Variants in WDR27 observed in about 807,000 individuals in gnomAD.
WDR27 encodes WD repeat domain 27.
WDR27 carries 100 observed loss-of-function variants against 114.4 expected under a neutral mutation model. The ratio of observed to expected loss-of-function variants is 0.87; its 90% confidence interval spans 0.74 to 1.03. The LOEUF is 1.03. Ranked by LOEUF, WDR27 falls within the 50% of genes least tolerant of loss-of-function variation. The probability of loss-of-function intolerance (pLI) is 0.00; values close to 1 mark genes in which losing one functional copy is unlikely to be tolerated. For missense variants in WDR27, 1,129 were observed against 1,092.9 expected (o/e 1.03, Z -0.47); for synonymous variants, 449 against 423.1 (o/e 1.06, Z -0.75).
intron 21 of WDR27, among the ~76,000 whole-genome samples, chr6:169,629,403 A>G (rs957368974): frequency 6.6e-6 from 1 of 152,218 alleles, no homozygotes; most frequent in Non-Finnish European, 1.5e-5. Context: ...AAACCCCAGA[A>G]AGAAAAGAAC....
chr6:169,496,221 G>GA (rs1790388393), intron 25 of WDR27, among the ~76,000 whole-genome samples: 2 of 151,950 alleles, frequency 1.3e-5, no homozygotes, highest in South Asian at 2.1e-4. Context: ...AATTGATGCA[G>GA]AAAAAAGCAT....
chr6:169,677,788 T>C (rs1780440565), intron 2 of WDR27, among the ~76,000 whole-genome samples: 1 of 152,240 alleles, frequency 6.6e-6, no homozygotes, highest in African/African-American at 2.4e-5. Flanking sequence ...AGGACACTGC[T>C]CCCGTCTCCA....
chr6:169,599,859 T>C (rs991347833), intron 23 of WDR27, among the ~76,000 whole-genome samples: 8 of 152,174 alleles, frequency 5.3e-5, no homozygotes, highest in Non-Finnish European at 7.3e-5. Context: ...TGTTAGGGTG[T>C]CAATTTTTAG....
intron 16 of WDR27, chr6:169,647,540 G>GC (rs1225547375): frequency 3.3e-6 from 2 of 606,946 alleles, no homozygotes; most frequent in African/African-American, 1.9e-5. Flanking sequence ...GTGAGTGAGT[G>GC]CCAGTGTCTG....
chr6:169,571,204 A>G (rs1801354434), intron 25 of WDR27, among the ~76,000 whole-genome samples: 1 of 152,134 alleles, frequency 6.6e-6, no homozygotes, highest in African/African-American at 2.4e-5. Flanking sequence ...AAAGTAATAC[A>G]GCCTAAATAA....
the WDR27 span, among the ~76,000 whole-genome samples, chr6:169,438,708 A>T: frequency 1.3e-5 from 2 of 152,192 alleles, no homozygotes; most frequent in Non-Finnish European, 2.9e-5. Context: ...AGGTTATCCA[A>T]ATGGGCTTCC....
chr6:169,513,104 G>A (rs1454857486), intron 25 of WDR27, among the ~76,000 whole-genome samples: 1 of 152,018 alleles, frequency 6.6e-6, no homozygotes, highest in Non-Finnish European at 1.5e-5. Context: ...CTGTTTTGTG[G>A]GTGAGTCTTC....
chr6:169,434,560 A>C, the WDR27 span, among the ~76,000 whole-genome samples: 1 of 152,076 alleles, frequency 6.6e-6, no homozygotes, highest in Admixed American at 6.5e-5. Flanking sequence ...ATGAAATTTA[A>C]AGTACTTTTT....
intron 21 of WDR27, among the ~76,000 whole-genome samples, chr6:169,630,342 G>A (rs2128213079): frequency 6.6e-6 from 1 of 152,074 alleles, no homozygotes; most frequent in African/African-American, 2.4e-5. Flanking sequence ...CTTTCTGTTG[G>A]TAACAGCGAG....
chr6:169,666,214 G>GA (rs1003781990), intron 6 of WDR27, among the ~76,000 whole-genome samples: 1 of 152,140 alleles, frequency 6.6e-6, no homozygotes, highest in Admixed American at 6.5e-5. Flanking sequence ...ATTAATTTCA[G>GA]AAAAAAGATT....
intron 2 of WDR27, among the ~76,000 whole-genome samples, chr6:169,681,711 G>A (rs1258298654): frequency 1.3e-5 from 2 of 152,180 alleles, no homozygotes; most frequent in African/African-American, 4.8e-5. Context: ...GAGGTCCCAG[G>A]TAAGAGCTGC....
chr6:169,655,672 G>A (rs181648369), intron 13 of WDR27, among the ~76,000 whole-genome samples: 9 of 152,286 alleles, frequency 5.9e-5, no homozygotes, highest in South Asian at 2.1e-4. Flanking sequence ...CGAGGCTGGC[G>A]ATGCCCCTGC....
At chr6:169,507,454 C>T (rs928068703) in intron 25 of WDR27, among the ~76,000 whole-genome samples, 3 of 152,162 alleles carry the variant, frequency 2.0e-5, no homozygotes, top group East Asian at 3.9e-4. Flanking sequence ...TGACGGGGCT[C>T]ACTGAGAGCT....
chr6:169,435,666 G>A, the WDR27 span, among the ~76,000 whole-genome samples: 1 of 152,252 alleles, frequency 6.6e-6, no homozygotes, highest in Non-Finnish European at 1.5e-5. Context: ...GAATGAATGT[G>A]TTTATCCAAT....
chr6:169,654,592 G>A (rs976141385), intron 13 of WDR27, among the ~76,000 whole-genome samples: 19 of 152,178 alleles, frequency 1.2e-4, no homozygotes, highest in Non-Finnish European at 1.5e-4. Context: ...ACTCCCAGCC[G>A]GTTTCCAGGT....
chr6:169,448,751 G>A, the WDR27 span, among the ~76,000 whole-genome samples: 2 of 152,186 alleles, frequency 1.3e-5, no homozygotes. Flanking sequence ...AGATGGGCTT[G>A]CAGTTTGCTG....
chr6:169,700,477 G>A (rs549797152), intron 1 of WDR27, among the ~76,000 whole-genome samples: 13 of 152,310 alleles, frequency 8.5e-5, no homozygotes, highest in African/African-American at 3.1e-4. Context: ...TTGCAATTAA[G>A]TGCAGCCATG....
At chr6:169,672,745 G>A (rs536887739) in intron 2 of WDR27, among the ~76,000 whole-genome samples, 3 of 152,284 alleles carry the variant, frequency 2.0e-5, no homozygotes, top group African/African-American at 7.2e-5. Context: ...GAGGAATGAG[G>A]GGAGCAATGA....
chr6:169,640,159 G>A (rs1818807193), intron 17 of WDR27, among the ~76,000 whole-genome samples: 1 of 152,146 alleles, frequency 6.6e-6, no homozygotes. Context: ...CACAGGGAAT[G>A]GGTAACCACA....
Sources: allele counts gnomAD v4.1 joint callset (sites outside exome capture counted in the v4.1 genomes callset), GRCh38; gene constraint gnomAD v4.1.1; transcripts MANE v1.5; gene names NCBI Gene and HGNC (gene_info 2026-07-23, HGNC 2026-07-21).